Variants in AGAP1 observed in about 807,000 individuals in gnomAD.
The protein encoded by AGAP1 is arf-GAP with GTPase, ANK repeat and PH domain-containing protein 1.
In AGAP1, 29 loss-of-function variants were observed where a neutral mutation model predicts 105.3. That is an observed-to-expected ratio of 0.28 (90% confidence interval 0.21 to 0.38). The LOEUF (loss-of-function observed/expected upper bound fraction) is 0.38. AGAP1 is among the 10% of genes least tolerant of loss of function. The pLI, the probability that AGAP1 is intolerant of heterozygous loss-of-function variation, is 1.00. For missense variants in AGAP1, 998 were observed against 1,165.1 expected, an observed-to-expected ratio of 0.86 and a Z score of 2.09; for synonymous variants, 509 against 485.9, an observed-to-expected ratio of 1.05 and a Z score of -0.63.
intron 8 of AGAP1, among the ~76,000 whole-genome samples, chr2:235,802,012 C>T (rs1301321391): frequency 6.6e-6 from 1 of 151,996 alleles, no homozygotes; most frequent in Non-Finnish European, 1.5e-5. Flanking sequence ...ACCTGACAAC[C>T]CAGGTGACTT....
chr2:235,636,010 G>A (rs188495301), intron 1 of AGAP1, among the ~76,000 whole-genome samples: 169 of 152,164 alleles, frequency 1.1e-3, no homozygotes, highest in Admixed American at 2.0e-3. Flanking sequence ...CTACTTGGGA[G>A]GCTGAGGCAG....
chr2:235,845,834 G>C lies in AGAP1; in HGVS notation c.1051-37511G>C, dbSNP rs1463487400. 1.3e-5 allele frequency among the ~76,000 whole-genome samples: 2 copies of C among 151,722 alleles called. No individual in the cohort carries two copies. The highest frequency in any genetic ancestry group is 2.4e-5 in the African/African-American group (1 of 41,264). On this transcript the variant is annotated intron_variant, in intron 9 of 17. Coordinates refer to ENST00000304032, the MANE Select transcript of AGAP1 (RefSeq NM_001037131.3). This position sits in a 1 kb window ranked among gnomAD's most constrained non-coding sequence, Gnocchi z 4.8. Reference sequence around the variant, plus strand: ...TCCGAAGGAGTCATGCATGTGGTTTGGGGCCTGGATGTGTGTTTGGGCCTC... The same window carrying C: ...TCCGAAGGAGTCATGCATGTGGTTTCGGGCCTGGATGTGTGTTTGGGCCTC...
rs144678297 is a variant in AGAP1, at chr2:235,884,989, C to G, written c.1155+1540C>G. ...TCGCCTTCCCAATGTGCTAGGATTA[C>G]AGTCATGAGCCATGACACCCAGCCA... On this transcript the variant is annotated intron_variant, in intron 10 of 17. Coordinates refer to ENST00000304032, the MANE Select transcript of AGAP1 (RefSeq NM_001037131.3). Among the ~76,000 whole-genome samples, 1,501 of 152,190 alleles carry G rather than the reference C, an allele frequency of 9.9e-3. 30 individuals carry two copies. Among genetic ancestry groups the G allele is most frequent in the African/African-American group, 0.034 (1,393 of 41,492 alleles).
intron 1 of AGAP1, among the ~76,000 whole-genome samples, chr2:235,579,618 A>G (rs1371401334): frequency 6.6e-6 from 1 of 152,118 alleles, no homozygotes; most frequent in African/African-American, 2.4e-5. Context: ...TACTAAAAAT[A>G]CAAAGAAATT....
rs1958989223 is a variant in AGAP1 at position 235,824,993 on chromosome 2, G to A, written c.1050+17662G>A. ...AGGAGATTCAGGAGACTTGATTTAT[G>A]GAAGCTTTTTCTTATTTGCAATTCA... On this transcript the variant is annotated intron_variant, in intron 9 of 17. Coordinates refer to ENST00000304032, the MANE Select transcript of AGAP1 (RefSeq NM_001037131.3). This position sits in a 1 kb window ranked among gnomAD's most constrained non-coding sequence, Gnocchi z 5.2. Among the ~76,000 whole-genome samples, 2 of 152,206 alleles carry A rather than the reference G, an allele frequency of 1.3e-5. No homozygotes were observed. Among genetic ancestry groups the A allele is most frequent in the South Asian group, 4.2e-4 (2 of 4,808 alleles).
rs1956776835 is a variant in AGAP1 at position 235,788,391 on chromosome 2, G to A, written c.674-9368G>A. Among the ~76,000 whole-genome samples the A allele has an allele frequency of 6.6e-6, 1 of 152,126 alleles. No individual in the cohort carries two copies. Among genetic ancestry groups the A allele is most frequent in the African/African-American group, 2.4e-5 (1 of 41,424 alleles). ...TAGGAGCCCACTAGTAAGCCAGGAT[G>A]GTGTGGTGCGGATCTTGGATGAGGT... On this transcript the variant is annotated intron_variant, in intron 6 of 17. Transcript: ENST00000304032. This position sits in a 1 kb window ranked among gnomAD's most constrained non-coding sequence, Gnocchi z 6.0.
At chr2:235,697,011 CTT>C (rs1404061065) in intron 1 of AGAP1, among the ~76,000 whole-genome samples, 6 of 152,044 alleles carry the variant, frequency 3.9e-5, no homozygotes, top group Non-Finnish European at 7.3e-5. Flanking sequence ...AGTATCCTAA[CTT>C]TTGTTTCATT....
At chr2:235,650,822 C>T (rs1422638359) in intron 1 of AGAP1, among the ~76,000 whole-genome samples, 2 of 152,136 alleles carry the variant, frequency 1.3e-5, no homozygotes, top group Admixed American at 1.3e-4. Context: ...CTAGTATGTG[C>T]TCTGAAGACC....
In AGAP1 at chr2:235,998,959, G is replaced by A. The variant is rs530178450; in HGVS notation, c.1645+30336G>A. Reference sequence around the variant, plus strand: ...TGGTATGGTGGTGATGATGGTGAGAGGTTATAGGGCTGGTGGTGACGGGGT... The same window carrying A: ...TGGTATGGTGGTGATGATGGTGAGAAGTTATAGGGCTGGTGGTGACGGGGT... On this transcript the variant is annotated intron_variant, in intron 13 of 17. Coordinates refer to ENST00000304032, the MANE Select transcript of AGAP1 (RefSeq NM_001037131.3). Among the ~76,000 whole-genome samples the A allele has an allele frequency of 2.3e-3, 347 of 151,572 alleles. 1 individual carries two copies. Among genetic ancestry groups the A allele is most frequent in the Non-Finnish European group, 4.3e-3 (293 of 67,858 alleles).
chr2:236,010,615 T>C (rs2056477822), intron 13 of AGAP1, among the ~76,000 whole-genome samples: 1 of 152,224 alleles, frequency 6.6e-6, no homozygotes, highest in Admixed American at 6.5e-5. Context: ...CAGCACACTT[T>C]GTCCACGTTA....
At chr2:235,950,928 A>G (rs1409509870) in intron 12 of AGAP1, among the ~76,000 whole-genome samples, 1 of 135,806 alleles carries the variant, frequency 7.4e-6, no homozygotes, top group Non-Finnish European at 1.6e-5. Context: ...TTGGCTGGAC[A>G]GCCCAAATTC....
At chr2:235,996,335 C>A (rs1014539290) in intron 13 of AGAP1, among the ~76,000 whole-genome samples, 3 of 152,174 alleles carry the variant, frequency 2.0e-5, no homozygotes, top group South Asian at 4.1e-4. Context: ...TCCTACTGCC[C>A]CTTGGCCGAT....
At chr2:235,886,699 A>C (rs13025591) in intron 10 of AGAP1, among the ~76,000 whole-genome samples, 56,445 of 152,060 alleles carry the variant, frequency 0.37, 10,909 homozygotes, top group South Asian at 0.64. Context: ...TTGGAACTGA[A>C]ATTTTTGATG....
rs573587259 is a variant in AGAP1, at chr2:235,992,070, G to A, written c.1645+23447G>A. On this transcript the variant is annotated intron_variant, in intron 13 of 17. Coordinates refer to ENST00000304032, the MANE Select transcript of AGAP1 (RefSeq NM_001037131.3). This position sits in a 1 kb window ranked among gnomAD's most constrained non-coding sequence, Gnocchi z 4.8. ...TCTCCTCTGTCCACAGGACATGGCC[G>A]TAGCCGTGTGTGGAGAAGGGTTGTG... is the stretch of plus-strand genomic sequence containing the variant. Among the ~76,000 whole-genome samples, 14 of 152,350 alleles carry A rather than the reference G, an allele frequency of 9.2e-5. No homozygotes were observed. The highest frequency in any genetic ancestry group is 4.6e-4 in the Admixed American group (7 of 15,300).
chr2:235,570,018 TC>T (rs1190109049), intron 1 of AGAP1, among the ~76,000 whole-genome samples: 1 of 152,248 alleles, frequency 6.6e-6, no homozygotes, highest in African/African-American at 2.4e-5. Context: ...TGTTAACTCT[TC>T]TCAGTTCTCT....
Position 235,559,072 on chromosome 2 carries a change from G to A in AGAP1, c.163+64223G>A, listed in dbSNP as rs1004197562. ...TAGGTAGCTGAGACTACAGGCATGC[G>A]CCACTACACCCGACTAATATTTTGT... On this transcript the variant is annotated intron_variant, in intron 1 of 17. Transcript: ENST00000304032. The surrounding 1 kb of genome is among the most constrained non-coding windows in gnomAD (Gnocchi z 5.7). 9.9e-5 allele frequency among the ~76,000 whole-genome samples: 15 copies of A among 152,062 alleles called. No homozygotes were observed. Among genetic ancestry groups the A allele is most frequent in the South Asian group, 8.3e-4 (4 of 4,814 alleles).
chr2:236,102,113 C>T (rs1559276940), intron 16 of AGAP1, among the ~76,000 whole-genome samples: 1 of 152,034 alleles, frequency 6.6e-6, no homozygotes, highest in East Asian at 1.9e-4. Context: ...GAAACCCCGT[C>T]TCTACTAAAA....
At position 235,706,213 on chromosome 2, in the gene AGAP1, TTTTG is replaced by T. The variant is rs572935794; in HGVS notation, c.164-2950_164-2947del. ...GCATATGCATATTTATTTTGTTTTG[TTTTG>T]TTTGTTTGTTTGTTTTTTAAATAAC... On this transcript the variant is annotated intron_variant, in intron 1 of 17. Transcript: ENST00000304032. Among the ~76,000 whole-genome samples the T allele has an allele frequency of 6.0e-3, 916 of 152,170 alleles. 3 individuals carry two copies. Among genetic ancestry groups the T allele is most frequent in the Non-Finnish European group, 0.01 (691 of 68,002 alleles).
At position 235,635,069 on chromosome 2, in the gene AGAP1, GA is replaced by G. The variant is rs1398684380; in HGVS notation, c.164-74108del. Among the ~76,000 whole-genome samples the G allele has an allele frequency of 1.3e-5, 2 of 152,138 alleles. No homozygotes were observed. Among genetic ancestry groups the G allele is most frequent in the Non-Finnish European group, 2.9e-5 (2 of 68,040 alleles). On this transcript the variant is annotated intron_variant, in intron 1 of 17. Coordinates refer to ENST00000304032, the MANE Select transcript of AGAP1 (RefSeq NM_001037131.3). This position sits in a 1 kb window ranked among gnomAD's most constrained non-coding sequence, Gnocchi z 5.3. ...GGGACCAGTTTTCCCTCTGAAGCGT[GA>G]ATGTTTCCTCTCCAGTTGGGAATCT...
Sources: allele counts gnomAD v4.1 joint callset (sites outside exome capture counted in the v4.1 genomes callset), GRCh38; gene constraint gnomAD v4.1.1; non-coding constraint Gnocchi (gnomAD v3.1); transcripts MANE v1.5; gene names NCBI Gene and HGNC (gene_info 2026-07-23, HGNC 2026-07-21).